The following DLC1 variants were observed in gnomAD, a reference collection of about 807,000 sequenced individuals.
The protein encoded by DLC1 is DLC1 Rho GTPase activating protein, also known as rho GTPase-activating protein 7.
In DLC1, 54 loss-of-function variants were observed where a neutral mutation model predicts 140.3. The observed-to-expected ratio is 0.38, with a 90% confidence interval of 0.31 to 0.48. The LOEUF is 0.48. Ranked by LOEUF, DLC1 falls within the 20% of genes least tolerant of loss-of-function variation. The probability of loss-of-function intolerance (pLI) is 0.96; values close to 1 mark genes in which losing one functional copy is unlikely to be tolerated. For synonymous variants in DLC1, 986 were observed against 728.1 expected, an observed-to-expected ratio of 1.35 and a Z score of -5.70; for missense variants, 2,536 against 1,907.0, an observed-to-expected ratio of 1.33 and a Z score of -6.14.
chr8:13,208,543 G>A (rs1034704518), intron 5 of DLC1, among the ~76,000 whole-genome samples: 3 of 152,010 alleles, frequency 2.0e-5, no homozygotes, highest in Non-Finnish European at 2.9e-5. Flanking sequence ...CCTTTCTTTG[G>A]TGCAGGGTTT....
chr8:13,153,598 T>G (rs1356231328), intron 5 of DLC1, among the ~76,000 whole-genome samples: 2 of 152,214 alleles, frequency 1.3e-5, no homozygotes, highest in Non-Finnish European at 2.9e-5. Context: ...GAGAGCTGAT[T>G]GGTTTGTTTT....
At position 13,369,860 on chromosome 8, in the gene DLC1, TC is replaced by T. The variant is rs1288125069; in HGVS notation, c.1314+23692del. 4.1e-5 allele frequency among the ~76,000 whole-genome samples: 6 copies of T among 147,748 alleles called. No individual in the cohort carries two copies. The East Asian group carries it at 1.2e-3, about 29-fold the overall frequency. On this transcript the variant is annotated intron_variant, in intron 4 of 17. Coordinates refer to ENST00000276297, the MANE Select transcript of DLC1 (RefSeq NM_182643.3). ...CTCTCCGATCGTCTCCTCAGAGCCC[TC>T]CCCTGGCTTCTCATCTCACTCAGAA...
chr8:13,095,366 TA>T lies in DLC1; in HGVS notation c.3168-122del. 4 of 1,216,232 alleles carry T rather than the reference TA, an allele frequency of 3.3e-6. No homozygotes were observed. The South Asian group carries it at 5.9e-5, about 18-fold the overall frequency. 75.3% of individuals were successfully genotyped at this position (1,216,232 alleles called of 1,614,324 possible). ...GATCTGTGCTAATACGGTGGCTACTTAAATTTAAATTAAACAAAATGACAAA... is the reference window on the plus strand; with the variant it reads ...GATCTGTGCTAATACGGTGGCTACTTAATTTAAATTAAACAAAATGACAAA... On this transcript the variant is annotated intron_variant, in intron 10 of 17. Coordinates refer to ENST00000276297, the MANE Select transcript of DLC1 (RefSeq NM_182643.3).
chr8:13,552,805 C>G (rs1431518184), intron 1 of DLC1, among the ~76,000 whole-genome samples: 3 of 151,646 alleles, frequency 2.0e-5, no homozygotes, highest in Non-Finnish European at 4.4e-5. Context: ...TTGTCATATT[C>G]TCTTATTAAA....
intron 5 of DLC1, among the ~76,000 whole-genome samples, chr8:13,122,127 C>G (rs1269681442): frequency 1.3e-5 from 2 of 152,216 alleles, no homozygotes; most frequent in African/African-American, 2.4e-5. Flanking sequence ...CCCCGAGCCA[C>G]TGGGCTGGTT....
intron 5 of DLC1, among the ~76,000 whole-genome samples, chr8:13,210,057 G>A (rs1421679144): frequency 6.6e-6 from 1 of 152,132 alleles, no homozygotes; most frequent in Admixed American, 6.6e-5. Flanking sequence ...TTGGTGTGGG[G>A]TAGGGAGGTA....
intron 1 of DLC1, among the ~76,000 whole-genome samples, chr8:13,531,726 G>A (rs961711279): frequency 1.1e-4 from 16 of 152,072 alleles, no homozygotes; most frequent in African/African-American, 3.9e-4. Context: ...AATTAAGATG[G>A]GTGCTGAAAT....
chr8:13,399,772 G>A (rs1025010478), intron 3 of DLC1, among the ~76,000 whole-genome samples: 1 of 152,124 alleles, frequency 6.6e-6, no homozygotes, highest in Non-Finnish European at 1.5e-5. Flanking sequence ...CATCCTTAAA[G>A]ACTATATTAT....
At chr8:13,460,641 G>T (rs1344156152) in intron 2 of DLC1, among the ~76,000 whole-genome samples, 2 of 152,168 alleles carry the variant, frequency 1.3e-5, no homozygotes, top group African/African-American at 2.4e-5. Flanking sequence ...AGATACTCTG[G>T]GGGGAAATGA....
chr8:13,258,104 A>G (rs190313295), intron 5 of DLC1, among the ~76,000 whole-genome samples: 1 of 152,344 alleles, frequency 6.6e-6, no homozygotes, highest in African/African-American at 2.4e-5. Context: ...TGCTATCTCA[A>G]CTTGAATCAC....
chr8:13,537,882 C>T (rs1168346140), intron 1 of DLC1, among the ~76,000 whole-genome samples: 1 of 151,934 alleles, frequency 6.6e-6, no homozygotes, highest in Non-Finnish European at 1.5e-5. Context: ...CTACGATTTC[C>T]TGACCTCGTG....
intron 1 of DLC1, among the ~76,000 whole-genome samples, chr8:13,552,513 A>T (rs1463914196): frequency 6.6e-6 from 1 of 151,310 alleles, no homozygotes; most frequent in Non-Finnish European, 1.5e-5. Flanking sequence ...TTATGATAGA[A>T]GTATCAGCTG....
At chr8:13,373,050 C>G (rs1456001869) in intron 4 of DLC1, among the ~76,000 whole-genome samples, 5 of 152,110 alleles carry the variant, frequency 3.3e-5, no homozygotes, top group African/African-American at 1.2e-4. Context: ...GGGTCTCATT[C>G]TGTTGCTCAG....
intron 5 of DLC1, among the ~76,000 whole-genome samples, chr8:13,282,185 C>A (rs1021166938): frequency 6.6e-6 from 1 of 152,166 alleles, no homozygotes; most frequent in Non-Finnish European, 1.5e-5. Flanking sequence ...ATATAATTGG[C>A]CATTTTAATG....
chr8:13,584,091 C>T (rs796837572), intron 1 of DLC1: 4 of 152,800 alleles, frequency 2.6e-5, no homozygotes, highest in African/African-American at 7.2e-5. Context: ...AGGTGTCTTG[C>T]TTCAGCAGGT....
intron 4 of DLC1, among the ~76,000 whole-genome samples, chr8:13,361,357 C>T (rs1022255468): frequency 6.6e-6 from 1 of 151,916 alleles, no homozygotes; most frequent in Non-Finnish European, 1.5e-5. Context: ...TGGGCTCAAG[C>T]AATCCTCCTG....
At chr8:13,311,369 A>G (rs776598305) in intron 4 of DLC1, among the ~76,000 whole-genome samples, 1 of 152,140 alleles carries the variant, frequency 6.6e-6, no homozygotes, top group Non-Finnish European at 1.5e-5. Context: ...CACGATTCCA[A>G]CTTAACTTAG....
intron 5 of DLC1, among the ~76,000 whole-genome samples, chr8:13,181,096 C>G (rs1826004395): frequency 6.6e-6 from 1 of 152,070 alleles, no homozygotes; most frequent in Admixed American, 6.6e-5. Context: ...TTTTCTCCAA[C>G]TGCCCTTTCC....
Position 13,499,106 on chromosome 8 carries a change from C to G in DLC1, c.966G>C (p.Lys322Asn), listed in dbSNP as rs771959818. ...TGGGTTCCTGGGTGGCCAGGGTCTCCTTTAATTGTAAACACTGCATGCCAT... is the reference window on the plus strand; with the variant it reads ...TGGGTTCCTGGGTGGCCAGGGTCTCGTTTAATTGTAAACACTGCATGCCAT... ...AEDGMQCLQL[K>N]ETLATQEPTD... Residue 322 changes from lysine (K) to asparagine (N), a missense_variant, in exon 2 of 18, where the codon AAG becomes AAC. By Grantham distance (94) the Lys-to-Asn change is moderately conservative. Coordinates refer to ENST00000276297, the MANE Select transcript of DLC1 (RefSeq NM_182643.3). 3.7e-6 allele frequency: 6 copies of G among 1,613,998 alleles called. No individual in the cohort carries two copies. In the East Asian group the frequency reaches 1.1e-4, roughly 30 times the overall value.
Sources: allele counts gnomAD v4.1 joint callset (sites outside exome capture counted in the v4.1 genomes callset), GRCh38; gene constraint gnomAD v4.1.1; transcripts MANE v1.5; gene names NCBI Gene and HGNC (gene_info 2026-07-23, HGNC 2026-07-21).